AP3S1: variants seen among roughly 807,000 people sequenced by gnomAD.
The protein encoded by AP3S1 is adaptor related protein complex 3 subunit sigma 1, also known as AP-3 complex subunit sigma-1.
AP3S1 carries 12 observed loss-of-function variants against 21.3 expected under a neutral mutation model. The ratio of observed to expected loss-of-function variants is 0.56; its 90% CI spans 0.36 to 0.91. The LOEUF is 0.91. Among genes scored for constraint, AP3S1 ranks in the 40% least tolerant of loss-of-function variants. The probability of loss-of-function intolerance (pLI) is 0.01; values close to 1 mark genes in which losing one functional copy is unlikely to be tolerated. For missense variants in AP3S1, 116 were observed against 225.0 expected (o/e 0.52, Z 3.10); for synonymous variants, 48 against 78.4 (o/e 0.61, Z 2.05).
chr5:115,879,252 G>C (rs1448655006), intron 3 of AP3S1, among the ~76,000 whole-genome samples: 1 of 152,222 alleles, frequency 6.6e-6, no homozygotes, highest in Non-Finnish European at 1.5e-5. Flanking sequence ...GGAGTGGTGA[G>C]AGAGGGCATC....
intron 1 of AP3S1, among the ~76,000 whole-genome samples, chr5:115,857,634 A>G (rs1006758490): frequency 4.6e-5 from 7 of 152,338 alleles, no homozygotes; most frequent in African/African-American, 1.7e-4. Flanking sequence ...TTCCACAAGT[A>G]ACTATTTTTA....
intron 4 of AP3S1, among the ~76,000 whole-genome samples, chr5:115,902,538 T>C (rs189597217): frequency 4.6e-5 from 7 of 152,324 alleles, no homozygotes; most frequent in Admixed American, 4.6e-4. Flanking sequence ...CATATTTTAG[T>C]ATTAAACTTC....
chr5:115,892,728 G>A (rs553829320), intron 3 of AP3S1, among the ~76,000 whole-genome samples: 1 of 152,208 alleles, frequency 6.6e-6, no homozygotes, highest in African/African-American at 2.4e-5. Flanking sequence ...AAAATAGAAT[G>A]AATAAGACCT....
In AP3S1 at chr5:115,870,100, G is replaced by C. The variant is rs1396557712; in HGVS notation, c.245G>C (p.Ser82Thr). 2 of 1,609,112 alleles carry C rather than the reference G, an allele frequency of 1.2e-6. No individual in the cohort carries two copies. Among genetic ancestry groups the C allele is most frequent in the Admixed American group, 3.4e-5 (2 of 59,592 alleles). ...YFVFCVDSSE[S>T]ELGILDLIQV... is the part of the protein sequence containing the mutation. ...GTCTTCTGTGTGGATTCTTCAGAAAGTGAACTTGGCATTTTAGATCTAATT... is the reference window on the plus strand; with the variant it reads ...GTCTTCTGTGTGGATTCTTCAGAAACTGAACTTGGCATTTTAGATCTAATT... Residue 82 changes from serine to threonine, a missense_variant, in exon 3 of 6, where the codon AGT (serine) becomes ACT (threonine). Transcript: ENST00000316788.
chr5:115,887,762 T>A (rs1480838087), intron 3 of AP3S1, among the ~76,000 whole-genome samples: 2 of 152,142 alleles, frequency 1.3e-5, no homozygotes, highest in Non-Finnish European at 2.9e-5. Context: ...AAGGCTAGAA[T>A]TTAAGTATAC....
rs536046655 is a variant in AP3S1, at chr5:115,876,944, C to T, written c.273+6816C>T. 2.6e-5 allele frequency among the ~76,000 whole-genome samples: 4 copies of T among 152,260 alleles called. No individual in the cohort carries two copies. In the South Asian group the frequency reaches 8.3e-4, roughly 32 times the overall value. On this transcript the variant is annotated intron_variant, in intron 3 of 5. Coordinates refer to ENST00000316788, the MANE Select transcript of AP3S1 (RefSeq NM_001284.4). Reference sequence around the variant, plus strand: ...ATCACTTGGTTAAGTTTGAGTCCAACAGGTTTATGCACCATAAAGTTTCAT... The same window carrying T: ...ATCACTTGGTTAAGTTTGAGTCCAATAGGTTTATGCACCATAAAGTTTCAT...
chr5:115,884,383 G>A (rs1292607530), intron 3 of AP3S1, among the ~76,000 whole-genome samples: 1 of 152,166 alleles, frequency 6.6e-6, no homozygotes, highest in East Asian at 1.9e-4. Context: ...GGCCAACATG[G>A]TGAAACCCCG....
intron 5 of AP3S1, among the ~76,000 whole-genome samples, chr5:115,907,849 A>C (rs900657035): frequency 2.0e-5 from 3 of 152,192 alleles, no homozygotes; most frequent in African/African-American, 7.2e-5. Context: ...GGTGATGAGC[A>C]ACTATTTTGT....
At chr5:115,866,333 A>T (rs1481693595) in intron 1 of AP3S1, among the ~76,000 whole-genome samples, 1 of 152,022 alleles carries the variant, frequency 6.6e-6, no homozygotes, top group Non-Finnish European at 1.5e-5. Flanking sequence ...GATTCAGTTT[A>T]CTCATTTGTA....
chr5:115,892,269 A>C (rs796614231), intron 3 of AP3S1, among the ~76,000 whole-genome samples: 1 of 152,214 alleles, frequency 6.6e-6, no homozygotes, highest in Non-Finnish European at 1.5e-5. Flanking sequence ...TCAAAAAACT[A>C]AAAATAGAGC....
At chr5:115,850,596 T>C (rs1300301902) in intron 1 of AP3S1, among the ~76,000 whole-genome samples, 1 of 152,156 alleles carries the variant, frequency 6.6e-6, no homozygotes, top group East Asian at 1.9e-4. Flanking sequence ...AAAAACCTCA[T>C]ATAGGAGGAA....
At chr5:115,877,536 C>A (rs1411986539) in intron 3 of AP3S1, among the ~76,000 whole-genome samples, 16 of 152,064 alleles carry the variant, frequency 1.1e-4, no homozygotes, top group Admixed American at 9.2e-4. Flanking sequence ...GGAACTCATC[C>A]TTTTTATGGC....
chr5:115,851,750 C>T (rs1175281153), intron 1 of AP3S1, among the ~76,000 whole-genome samples: 1 of 151,996 alleles, frequency 6.6e-6, no homozygotes, highest in Non-Finnish European at 1.5e-5. Flanking sequence ...CAAATATTTT[C>T]TCTGATTCTG....
At chr5:115,850,843 CT>C (rs1184440085) in intron 1 of AP3S1, among the ~76,000 whole-genome samples, 4 of 152,066 alleles carry the variant, frequency 2.6e-5, no homozygotes, top group African/African-American at 7.2e-5. Context: ...CTCAAGTATC[CT>C]TGGATATGAG....
chr5:115,869,176 C>A (rs1048481898), intron 2 of AP3S1, among the ~76,000 whole-genome samples: 4 of 151,988 alleles, frequency 2.6e-5, no homozygotes, highest in Non-Finnish European at 4.4e-5. Flanking sequence ...ATTATTATTT[C>A]TAAAATACTA....
chr5:115,908,896 G>A (rs1049920325), intron 5 of AP3S1: 54 of 712,268 alleles, frequency 7.6e-5, no homozygotes, highest in Non-Finnish European at 8.6e-5. Flanking sequence ...TTCAAAATCT[G>A]CCATTATTTT....
intron 1 of AP3S1, among the ~76,000 whole-genome samples, chr5:115,861,865 C>CTTTTTTTTTTTT (rs113923492): frequency 1.8e-5 from 2 of 110,620 alleles, no homozygotes; most frequent in African/African-American, 3.6e-5. Flanking sequence ...CTTTTCTTTT[C>CTTTTTTTTTTTT]TTTTTTTTTT....
intron 5 of AP3S1, 197 bp downstream of exon 5, chr5:115,903,189 A>C: frequency 2.5e-6 from 1 of 406,636 alleles, no homozygotes. Context: ...AGCTTTGTGT[A>C]TTCTTCTTTT....
chr5:115,858,131 C>T (rs948364162), intron 1 of AP3S1, among the ~76,000 whole-genome samples: 1 of 152,118 alleles, frequency 6.6e-6, no homozygotes, highest in African/African-American at 2.4e-5. Flanking sequence ...TGCTTGTTTC[C>T]TGTGTTGGAC....
Sources: allele counts gnomAD v4.1 joint callset (sites outside exome capture counted in the v4.1 genomes callset), GRCh38; gene constraint gnomAD v4.1.1; transcripts MANE v1.5; gene names NCBI Gene and HGNC (gene_info 2026-07-23, HGNC 2026-07-21).